The following NCOA1 variants were observed in gnomAD, a reference collection of about 807,000 sequenced individuals.
The protein encoded by NCOA1 is Hin-2 protein.
In NCOA1, 35 loss-of-function variants were observed where a neutral mutation model predicts 150.9. The observed-to-expected ratio is 0.23, with a 90% confidence interval of 0.18 to 0.31. NCOA1 has a LOEUF of 0.31. NCOA1 is among the 10% of genes least tolerant of loss of function. The probability of loss-of-function intolerance (pLI) is 1.00; values close to 1 mark genes in which losing one functional copy is unlikely to be tolerated. For synonymous variants in NCOA1, 590 were observed against 630.0 expected (o/e 0.94, Z 0.95); for missense variants, 1,491 against 1,749.3 (o/e 0.85, Z 2.63).
chr2:24,510,370 G>A (rs959284193), intron 1 of NCOA1, among the ~76,000 whole-genome samples: 7 of 152,032 alleles, frequency 4.6e-5, no homozygotes, highest in South Asian at 2.1e-4. Flanking sequence ...TAAAGGAGAC[G>A]GGGTCTTGCT....
Position 24,577,272 on chromosome 2 carries a change from C to T in NCOA1, c.-259-7204C>T, listed in dbSNP as rs186287226. Among the ~76,000 whole-genome samples, 19 of 152,258 alleles carry T rather than the reference C, an allele frequency of 1.2e-4. No individual in the cohort carries two copies. In the East Asian group the frequency reaches 3.7e-3, roughly 29 times the overall value. ...AATCGAATAAATGTAGACACATATA[C>T]TCACACACAAAGTGCATTTTCTCAA... On this transcript the variant is annotated intron_variant, in intron 2 of 22. Transcript: ENST00000348332.
chr2:24,507,141 G>A (rs1211459359), intron 1 of NCOA1, among the ~76,000 whole-genome samples: 2 of 152,196 alleles, frequency 1.3e-5, no homozygotes, highest in Admixed American at 1.3e-4. Flanking sequence ...GGCAAATACT[G>A]TCTTTAGCTG....
intron 1 of NCOA1, among the ~76,000 whole-genome samples, chr2:24,552,354 T>TATATATATATATATATA (rs1491126634): frequency 3.2e-4 from 11 of 34,370 alleles, no homozygotes; most frequent in Non-Finnish European, 3.8e-4. Context: ...TATATATATA[T>TATATATATATATATATA]TTTTTTTTTT....
intron 20 of NCOA1, among the ~76,000 whole-genome samples, chr2:24,757,693 A>G (rs1454102508): frequency 6.6e-6 from 1 of 152,164 alleles, no homozygotes; most frequent in African/African-American, 2.4e-5. Context: ...ATTTACTTAC[A>G]TGGAAAACTT....
At chr2:24,685,918 T>C (rs1390299778) in intron 8 of NCOA1, among the ~76,000 whole-genome samples, 1 of 152,218 alleles carries the variant, frequency 6.6e-6, no homozygotes, top group African/African-American at 2.4e-5. Context: ...CATAGTGTGC[T>C]CTTAGAAGCA....
At chr2:24,740,397 C>T (rs1222060543) in intron 18 of NCOA1, among the ~76,000 whole-genome samples, 1 of 152,160 alleles carries the variant, frequency 6.6e-6, no homozygotes, top group African/African-American at 2.4e-5. Context: ...TGTGTATAGC[C>T]TATTGCTCCT....
chr2:24,766,013 G>C (rs1192128442), intron 22 of NCOA1, among the ~76,000 whole-genome samples: 1 of 150,864 alleles, frequency 6.6e-6, no homozygotes, highest in Non-Finnish European at 1.5e-5. Context: ...TGATTCTCCA[G>C]CCTCAGCCTC....
chr2:24,736,047 C>A (rs1037433544), intron 17 of NCOA1, among the ~76,000 whole-genome samples: 3 of 151,754 alleles, frequency 2.0e-5, no homozygotes, highest in Non-Finnish European at 4.4e-5. Flanking sequence ...CATGGAGAAA[C>A]CCTGTCTCTA....
At chr2:24,648,381 C>T (rs1390055678) in intron 4 of NCOA1, among the ~76,000 whole-genome samples, 1 of 151,952 alleles carries the variant, frequency 6.6e-6, no homozygotes, top group African/African-American at 2.4e-5. Flanking sequence ...TCAAGCAGTT[C>T]TCTTCCTCAG....
At chr2:24,606,734 A>G (rs975064488) in intron 3 of NCOA1, among the ~76,000 whole-genome samples, 11 of 152,192 alleles carry the variant, frequency 7.2e-5, no homozygotes, top group African/African-American at 2.7e-4. Flanking sequence ...TTTCCAGTTC[A>G]TGGTGTCCTC....
intron 1 of NCOA1, among the ~76,000 whole-genome samples, chr2:24,510,978 C>G (rs1663913303): frequency 6.6e-6 from 1 of 152,196 alleles, no homozygotes; most frequent in Non-Finnish European, 1.5e-5. Flanking sequence ...GAAAGAAATT[C>G]CGTGCCTGTT....
chr2:24,704,495 G>A (rs890451659), intron 11 of NCOA1, among the ~76,000 whole-genome samples: 12 of 152,156 alleles, frequency 7.9e-5, no homozygotes, highest in African/African-American at 1.9e-4. Context: ...ATTAAGGTTG[G>A]GCCAGGCGCG....
chr2:24,499,180 G>A (rs1663352143), intron 1 of NCOA1, among the ~76,000 whole-genome samples: 2 of 151,872 alleles, frequency 1.3e-5, no homozygotes, highest in Non-Finnish European at 2.9e-5. Context: ...ACATTTTGAT[G>A]TTTCTATACT....
At chr2:24,695,279 CTA>C (rs983509460) in intron 10 of NCOA1, among the ~76,000 whole-genome samples, 1 of 151,768 alleles carries the variant, frequency 6.6e-6, no homozygotes, top group African/African-American at 2.4e-5. Context: ...CATAAAATAA[CTA>C]TATATATATA....
chr2:24,693,231 T>G (rs774798654), intron 9 of NCOA1, 21 bp from the exon 10 acceptor site: 4 of 1,608,736 alleles, frequency 2.5e-6, no homozygotes, highest in African/African-American at 2.7e-5. Context: ...TCCTTCAATT[T>G]CCCCGTCTTG....
intron 6 of NCOA1, among the ~76,000 whole-genome samples, chr2:24,671,737 T>C (rs1671693510): frequency 6.6e-6 from 1 of 152,064 alleles, no homozygotes; most frequent in African/African-American, 2.4e-5. Flanking sequence ...ATTTTTGTAT[T>C]TTTATTAGAG....
chr2:24,684,129 C>T (rs1672296608), intron 8 of NCOA1, among the ~76,000 whole-genome samples: 1 of 152,152 alleles, frequency 6.6e-6, no homozygotes, highest in African/African-American at 2.4e-5. Flanking sequence ...CCTGATGTCA[C>T]TATAGGTAAT....
intron 19 of NCOA1, among the ~76,000 whole-genome samples, chr2:24,750,150 C>T (rs1439839232): frequency 6.6e-6 from 1 of 151,674 alleles, no homozygotes; most frequent in Non-Finnish European, 1.5e-5. Flanking sequence ...AAAATGAAAT[C>T]AGAGAAAAAA....
rs1237140317 is a variant in NCOA1 at position 24,768,298 on chromosome 2, G to T, written c.4233G>T (p.Gln1411His). Reference protein sequence around the residue: ...NLVGGDPYLNQPGPLGTQKPT... With the variant: ...NLVGGDPYLNHPGPLGTQKPT... Reference sequence around the variant, plus strand: ...TAGGCGGGGACCCTTACCTGAACCAGCCTGGTCCACTGGGAACTCAAAAGC... The same window carrying T: ...TAGGCGGGGACCCTTACCTGAACCATCCTGGTCCACTGGGAACTCAAAAGC... Residue 1411 changes from glutamine (Q) to histidine (H), a missense_variant, in exon 23 of 23, where the codon CAG becomes CAT. This residue lies in a region of NCOA1 where 46 missense variants were observed against 78.8 expected (regional missense o/e 0.58). Transcript: ENST00000348332. 2 of 1,613,788 alleles carry T rather than the reference G, an allele frequency of 1.2e-6. No individual in the cohort carries two copies. The highest frequency in any genetic ancestry group is 4.5e-5 in the East Asian group (2 of 44,902).
Sources: allele counts gnomAD v4.1 joint callset (sites outside exome capture counted in the v4.1 genomes callset), GRCh38; gene constraint gnomAD v4.1.1; regional missense constraint gnomAD v4.1.1; transcripts MANE v1.5; gene names NCBI Gene and HGNC (gene_info 2026-07-23, HGNC 2026-07-21).